NTN1: variants seen among roughly 807,000 people sequenced by gnomAD.
NTN1 encodes netrin 1.
A neutral mutation model predicts 54.2 loss-of-function variants in NTN1; 11 were observed. That is an observed-to-expected ratio of 0.20 (90% CI 0.13 to 0.34). The LOEUF (loss-of-function observed/expected upper bound fraction) is 0.34, where lower values mean the gene tolerates loss of function less well. NTN1 is among the 10% of genes least tolerant of loss of function. NTN1 has a pLI of 1.00. For missense variants in NTN1, 740 were observed against 893.1 expected, an observed-to-expected ratio of 0.83 and a Z score of 2.18; for synonymous variants, 371 against 382.0, an observed-to-expected ratio of 0.97 and a Z score of 0.33.
At chr17:9,125,321 G>A (rs8078895) in intron 2 of NTN1, among the ~76,000 whole-genome samples, 20,899 of 151,972 alleles carry the variant, frequency 0.14, 1,501 homozygotes, top group Admixed American at 0.17. Context: ...CCGCCTCCCG[G>A]GTTCAAGCAA....
chr17:9,044,863 A>G lies in NTN1; in HGVS notation c.1018+21472A>G, dbSNP rs527430076. ...AAGTACATAAGGCAAATTAGCACAG[A>G]GTAAAAGCGGGGGGTCACAAAACAG... On this transcript the variant is annotated intron_variant, in intron 2 of 6. Transcript: ENST00000173229. Among the ~76,000 whole-genome samples, 16 of 152,356 alleles carry G rather than the reference A, an allele frequency of 1.1e-4. 5 individuals are homozygous for G. Among genetic ancestry groups the G allele is most frequent in the African/African-American group, 3.8e-4 (16 of 41,588 alleles).
chr17:9,114,440 C>T (rs1328717611), intron 2 of NTN1, among the ~76,000 whole-genome samples: 2 of 143,184 alleles, frequency 1.4e-5, no homozygotes, highest in Non-Finnish European at 3.1e-5. Flanking sequence ...TGATGTTTTA[C>T]TTGAGTTAAA....
At chr17:9,191,974 C>CAA (rs199861842) in intron 5 of NTN1, among the ~76,000 whole-genome samples, 21 of 132,420 alleles carry the variant, frequency 1.6e-4, no homozygotes, top group African/African-American at 2.2e-4. Context: ...GACCCTGTCT[C>CAA]AAAAAAAAAA....
intron 2 of NTN1, among the ~76,000 whole-genome samples, chr17:9,081,761 T>C (rs1268414366): frequency 2.0e-5 from 3 of 152,214 alleles, no homozygotes; most frequent in Non-Finnish European, 4.4e-5. Context: ...GGGATAGCCA[T>C]AGAGGAAGCA....
chr17:9,195,192 A>ACCGCCCCCCCCCCCC (rs3031881), intron 5 of NTN1, among the ~76,000 whole-genome samples: 14 of 142,382 alleles, frequency 9.8e-5, no homozygotes, highest in Non-Finnish European at 1.8e-4. Flanking sequence ...GGCGAGCTCT[A>ACCGCCCCCCCCCCCC]CCACCCCTCC....
At chr17:9,176,918 G>C (rs1195081519) in intron 3 of NTN1, 1 of 152,282 alleles carries the variant, frequency 6.6e-6, no homozygotes, top group African/African-American at 2.4e-5. Flanking sequence ...TCAGAGGGCT[G>C]TCGCAAGGAC....
upstream of NTN1, among the ~76,000 whole-genome samples, chr17:9,021,165 C>G (rs1377794952): frequency 2.6e-5 from 4 of 151,950 alleles, no homozygotes; most frequent in Non-Finnish European, 5.9e-5. Flanking sequence ...CGCGCGCTCC[C>G]CCGGGCGTGA....
intron 2 of NTN1, among the ~76,000 whole-genome samples, chr17:9,120,640 A>G (rs958719301): frequency 6.6e-6 from 1 of 152,048 alleles, no homozygotes; most frequent in African/African-American, 2.4e-5. Flanking sequence ...GCTGCTTAGT[A>G]TCTGGATTCT....
chr17:9,114,272 G>A (rs34136310), intron 2 of NTN1, among the ~76,000 whole-genome samples: 1 of 147,798 alleles, frequency 6.8e-6, no homozygotes, highest in Non-Finnish European at 1.5e-5. Context: ...TAAGTATGAC[G>A]GGTCTGATAC....
chr17:9,153,530 G>A (rs2092333639), intron 2 of NTN1, among the ~76,000 whole-genome samples: 1 of 152,186 alleles, frequency 6.6e-6, no homozygotes. Flanking sequence ...ACCCAAGCTG[G>A]AGCATCATCA....
At chr17:9,227,993 C>T (rs1025903119) in intron 6 of NTN1, among the ~76,000 whole-genome samples, 2 of 152,246 alleles carry the variant, frequency 1.3e-5, no homozygotes, top group Admixed American at 1.3e-4. Context: ...GCCCAGCCTC[C>T]CCTCCACACT....
At chr17:9,075,520 T>C (rs1197208077) in intron 2 of NTN1, among the ~76,000 whole-genome samples, 2 of 151,702 alleles carry the variant, frequency 1.3e-5, no homozygotes, top group African/African-American at 4.8e-5. Context: ...AAAAAATAAA[T>C]AAAAAAAACT....
At chr17:9,187,654 C>CAAAAAAA (rs763852001) in intron 5 of NTN1, among the ~76,000 whole-genome samples, 4 of 52,922 alleles carry the variant, frequency 7.6e-5, no homozygotes, top group Non-Finnish European at 9.7e-5. Flanking sequence ...CTCATCTCTC[C>CAAAAAAA]AAAAAAAAAA....
At chr17:9,160,269 A>G (rs2092353508) in intron 2 of NTN1, among the ~76,000 whole-genome samples, 1 of 151,972 alleles carries the variant, frequency 6.6e-6, no homozygotes, top group Non-Finnish European at 1.5e-5. Flanking sequence ...ATGCCTGACT[A>G]ATTTTTGTAT....
chr17:9,234,410 C>T (rs568862459), intron 6 of NTN1, among the ~76,000 whole-genome samples: 58 of 152,326 alleles, frequency 3.8e-4, no homozygotes, highest in Admixed American at 3.2e-3. Flanking sequence ...AGACAAAGCT[C>T]AGCCAGGTGC....
chr17:9,190,282 TTC>T lies in NTN1; in HGVS notation c.1411+7315_1411+7316del, dbSNP rs886127348. 5.3e-5 allele frequency among the ~76,000 whole-genome samples: 8 copies of T among 152,308 alleles called. No homozygotes were observed. The South Asian group carries it at 6.2e-4, about 12-fold the overall frequency. On this transcript the variant is annotated intron_variant, in intron 5 of 6. Transcript: ENST00000173229. Reference sequence around the variant, plus strand: ...AGAAGAAAAGGAGGGTCTTGCCACGTTCTGAGAAGACAAGACCCAAAATTGTA... The same window carrying T: ...AGAAGAAAAGGAGGGTCTTGCCACGTTGAGAAGACAAGACCCAAAATTGTA...
At chr17:9,099,295 C>T (rs1441228597) in intron 2 of NTN1, among the ~76,000 whole-genome samples, 3 of 152,170 alleles carry the variant, frequency 2.0e-5, no homozygotes, top group Non-Finnish European at 2.9e-5. Context: ...ATCCCAGCAA[C>T]TCCGGAGGCT....
chr17:9,107,973 A>G (rs7217607), intron 2 of NTN1, among the ~76,000 whole-genome samples: 124,308 of 152,144 alleles, frequency 0.82, 51,093 homozygotes, highest in East Asian at 0.95. Context: ...TTCATCAAAC[A>G]TAGTTTGATC....
At chr17:9,128,085 C>T (rs750192095) in intron 2 of NTN1, among the ~76,000 whole-genome samples, 3 of 151,256 alleles carry the variant, frequency 2.0e-5, no homozygotes, top group Non-Finnish European at 4.4e-5. Context: ...CCACTGCACT[C>T]CAGCCTGGGT....
Sources: gnomAD v4.1 joint callset for allele counts (sites outside exome capture counted in the v4.1 genomes callset) on GRCh38, gnomAD v4.1.1 for gene constraint, MANE v1.5 for transcripts, NCBI Gene and HGNC (gene_info 2026-07-23, HGNC 2026-07-21) for gene names.